LAMB1: variants seen among roughly 807,000 people sequenced by gnomAD.
The protein encoded by LAMB1 is laminin subunit beta-1.
In LAMB1, 121 loss-of-function variants were observed where a neutral mutation model predicts 222.3. The ratio of observed to expected loss-of-function variants is 0.54; its 90% confidence interval spans 0.47 to 0.63. The LOEUF (loss-of-function observed/expected upper bound fraction) is 0.63, where lower values mean the gene tolerates loss of function less well. Ranked by LOEUF, LAMB1 falls within the 30% of genes least tolerant of loss-of-function variation. The pLI, the probability that LAMB1 is intolerant of heterozygous loss-of-function variation, is 0.00. For missense variants in LAMB1, 2,172 were observed against 2,240.8 expected, an observed-to-expected ratio of 0.97 and a Z score of 0.62; for synonymous variants, 794 against 807.2, an observed-to-expected ratio of 0.98 and a Z score of 0.28.
intron 20 of LAMB1, among the ~76,000 whole-genome samples, chr7:107,957,725 C>T (rs1310768011): frequency 6.6e-6 from 1 of 152,196 alleles, no homozygotes; most frequent in East Asian, 1.9e-4. Context: ...TCTTGCCTCC[C>T]CTTGGGGACA....
chr7:107,959,536 G>C (rs1280967249), intron 19 of LAMB1, 56 bp from the exon 20 acceptor site: 1 of 1,608,174 alleles, frequency 6.2e-7, no homozygotes, highest in Non-Finnish European at 8.5e-7. Context: ...ATGGAAACAT[G>C]CTCCTTTTAT....
chr7:107,964,741 C>G, intron 13 of LAMB1, 54 bp from the exon 14 acceptor site: 1 of 1,602,202 alleles, frequency 6.2e-7, no homozygotes, highest in Non-Finnish European at 8.5e-7. Flanking sequence ...CGAGTCAACC[C>G]GCCAGAAGCA....
Position 107,961,809 on chromosome 7 carries a change from C to CT in LAMB1, c.1858-134dup, listed in dbSNP as rs1049449522. On this transcript the variant is annotated intron_variant, in intron 15 of 33. Coordinates refer to ENST00000222399, the MANE Select transcript of LAMB1 (RefSeq NM_002291.3). ...TTGCTCTTCACTTTTCTCTTTACTA[C>CT]TACCTCTGCTACTCCCCTGGTTCCA... The CT allele has an allele frequency of 6.6e-5, 66 of 999,822 alleles. No individual in the cohort carries two copies. In the African/African-American group the frequency reaches 8.4e-4, roughly 13 times the overall value. The allele number at this position is 999,822 out of a possible 1,614,324, so 61.9% of individuals were successfully genotyped here. A position where few individuals can be genotyped will look rare whatever the true frequency, so the allele number is the denominator to read the frequency against.
intron 15 of LAMB1, 88 bp downstream of exon 15, chr7:107,962,817 A>T: frequency 1.8e-6 from 2 of 1,089,732 alleles, no homozygotes; most frequent in Admixed American, 2.2e-5. Context: ...TCCATATTTC[A>T]TAACTATATA....
At position 108,001,703 on chromosome 7, in the gene LAMB1, T is replaced by C; in HGVS notation, c.68A>G (p.Glu23Gly). Reference sequence around the variant, plus strand: ...TGCGCAGCCGTAGCTGAACTCGGGTTCCTGAGCGCGCACTCGGGCTCTGCA... The same window carrying C: ...TGCGCAGCCGTAGCTGAACTCGGGTCCCTGAGCGCGCACTCGGGCTCTGCA... ...ALCRARVRAQ[E>G]PEFSYGCAEG... is the part of the protein sequence containing the mutation. Residue 23 changes from glutamate to glycine, a missense_variant, in exon 3 of 34, where the codon GAA (glutamate) becomes GGA (glycine). Transcript: ENST00000222399. 1 of 1,612,794 alleles carries C rather than the reference T, an allele frequency of 6.2e-7. No homozygotes were observed. The highest frequency in any genetic ancestry group is 1.1e-5 in the South Asian group (1 of 90,920).
At position 107,964,174 on chromosome 7, in the gene LAMB1, A is replaced by G. The variant is rs1165513996; in HGVS notation, c.1698+378T>C. ...AGCCTCCAGCTGTTTCAGCCACCCC[A>G]GCTCAAGAGCCAGGCATACATTTAA... On this transcript the variant is annotated intron_variant, in intron 14 of 33. Transcript: ENST00000222399. Among the ~76,000 whole-genome samples, 5 of 152,386 alleles carry G rather than the reference A, an allele frequency of 3.3e-5. No individual in the cohort carries two copies. The East Asian group carries it at 9.6e-4, about 29-fold the overall frequency.
intron 29 of LAMB1, among the ~76,000 whole-genome samples, chr7:107,930,949 G>C (rs1305908123): frequency 2.0e-5 from 3 of 152,128 alleles, no homozygotes; most frequent in Non-Finnish European, 4.4e-5. Flanking sequence ...GGTAACACTT[G>C]AACTGTGACT....
intron 24 of LAMB1, among the ~76,000 whole-genome samples, chr7:107,946,739 G>C (rs1398066662): frequency 6.6e-6 from 1 of 152,188 alleles, no homozygotes; most frequent in African/African-American, 2.4e-5. Context: ...AGTCACAATG[G>C]AAATATTAAG....
chr7:107,984,284 T>C (rs900475145), intron 7 of LAMB1, among the ~76,000 whole-genome samples: 5 of 152,194 alleles, frequency 3.3e-5, no homozygotes, highest in African/African-American at 1.2e-4. Context: ...AGTCTTGCTC[T>C]GTCACCCAGG....
In LAMB1 at chr7:107,935,347, G is replaced by GTTTTTTTTTTTTTT. The variant is rs200599445; in HGVS notation, c.4188+54_4188+67dup. Reference sequence around the variant, plus strand: ...GACAAAAGATGGTTTGTTTTTCTTTGTTTTTTTTTTTTTTTTTTTTTTTTT... The same window carrying GTTTTTTTTTTTTTT: ...GACAAAAGATGGTTTGTTTTTCTTTGTTTTTTTTTTTTTTTTTTTTTTTTTTTTTTTTTTTTTTT... On this transcript the variant is annotated intron_variant, in intron 27 of 33. Coordinates refer to ENST00000222399, the MANE Select transcript of LAMB1 (RefSeq NM_002291.3). 170 of 1,173,234 alleles carry GTTTTTTTTTTTTTT rather than the reference G, an allele frequency of 1.4e-4. 22 individuals are homozygous for GTTTTTTTTTTTTTT. Among genetic ancestry groups the GTTTTTTTTTTTTTT allele is most frequent in the African/African-American group, 7.2e-4 (30 of 41,522 alleles). The allele number at this position is 1,173,234 out of a possible 1,614,324, so 72.7% of individuals were successfully genotyped here.
At chr7:107,938,023 G>A (rs185623809) in intron 25 of LAMB1, among the ~76,000 whole-genome samples, 67 of 152,020 alleles carry the variant, frequency 4.4e-4, no homozygotes, top group African/African-American at 1.6e-3. Context: ...GTGCACATGC[G>A]AGTGTGCTCC....
At chr7:107,979,766 G>C (rs2033936926) in intron 8 of LAMB1, among the ~76,000 whole-genome samples, 1 of 152,190 alleles carries the variant, frequency 6.6e-6, no homozygotes, top group Non-Finnish European at 1.5e-5. Flanking sequence ...TATCCCATGG[G>C]TGTGGGTTAA....
chr7:107,971,062 G>A (rs774085413), intron 13 of LAMB1, among the ~76,000 whole-genome samples: 2 of 152,130 alleles, frequency 1.3e-5, no homozygotes, highest in African/African-American at 4.8e-5. Context: ...GTTCAGGTTA[G>A]TTGTCAATAT....
intron 27 of LAMB1, 141 bp downstream of exon 27, chr7:107,935,274 C>T (rs2032813916): frequency 3.1e-6 from 4 of 1,296,634 alleles, no homozygotes; most frequent in Non-Finnish European, 3.2e-6. Context: ...GAGACCTCAG[C>T]CTAGGAGTTT....
intron 5 of LAMB1, among the ~76,000 whole-genome samples, chr7:107,990,879 T>C (rs886258528): frequency 5.9e-5 from 9 of 152,184 alleles, no homozygotes; most frequent in Admixed American, 1.3e-4. Context: ...AAAGGCTCCC[T>C]CCTACTTAAG....
chr7:108,001,361 G>T (rs932144241), intron 3 of LAMB1, among the ~76,000 whole-genome samples, 197 bp downstream of exon 3: 5 of 152,372 alleles, frequency 3.3e-5, no homozygotes, highest in African/African-American at 1.2e-4. Context: ...CGCGCCGGCA[G>T]GAAATGTGTG....
intron 4 of LAMB1, 65 bp from the exon 5 acceptor site, chr7:107,995,025 T>C (rs1288858843): frequency 1.2e-6 from 1 of 842,696 alleles, no homozygotes; most frequent in East Asian, 2.6e-5. Context: ...CTGTGAATAG[T>C]TGAGACTATT....
intron 24 of LAMB1, chr7:107,940,680 A>G: frequency 3.5e-6 from 1 of 285,016 alleles, no homozygotes; most frequent in Non-Finnish European, 6.8e-6. Flanking sequence ...CAGAGATCAG[A>G]GAGATTATGT....
intron 25 of LAMB1, among the ~76,000 whole-genome samples, chr7:107,937,813 G>T (rs976195857): frequency 6.6e-6 from 1 of 152,108 alleles, no homozygotes; most frequent in Non-Finnish European, 1.5e-5. Context: ...TCCGTCAGAG[G>T]GGCCTCCTTC....
Sources: gnomAD v4.1 joint callset for allele counts (sites outside exome capture counted in the v4.1 genomes callset) on GRCh38, gnomAD v4.1.1 for gene constraint, MANE v1.5 for transcripts, NCBI Gene and HGNC (gene_info 2026-07-23, HGNC 2026-07-21) for gene names.